Variants in IGSF5 observed in about 807,000 individuals in gnomAD.
IGSF5 encodes the protein immunoglobulin superfamily member 5.
A neutral mutation model predicts 39.4 loss-of-function variants in IGSF5; 41 were observed. The ratio of observed to expected loss-of-function variants is 1.04; its 90% CI spans 0.81 to 1.35. IGSF5 has a LOEUF of 1.35. IGSF5 is among the 40% of genes most tolerant of loss of function. The pLI is 0.00. For synonymous variants in IGSF5, 183 were observed against 175.3 expected (o/e 1.04, Z -0.34); for missense variants, 487 against 494.6 (o/e 0.98, Z 0.15).
At chr21:39,780,964 G>A (rs2080167035) in intron 5 of IGSF5, among the ~76,000 whole-genome samples, 2 of 152,168 alleles carry the variant, frequency 1.3e-5, no homozygotes, top group Admixed American at 6.5e-5. Context: ...TTGCATGTCA[G>A]TTGAACTACA....
chr21:39,770,481 C>G (rs1338575239), intron 3 of IGSF5, among the ~76,000 whole-genome samples: 1 of 152,040 alleles, frequency 6.6e-6, no homozygotes, highest in Non-Finnish European at 1.5e-5. Context: ...TGCGTCTGAC[C>G]CTGGGCTGTG....
intron 5 of IGSF5, among the ~76,000 whole-genome samples, chr21:39,782,049 A>G (rs1569256539): frequency 6.6e-6 from 1 of 152,138 alleles, no homozygotes; most frequent in Non-Finnish European, 1.5e-5. Flanking sequence ...CTTCTTCCAA[A>G]TAACTAAGCA....
At chr21:39,721,186 A>G in the IGSF5 span, among the ~76,000 whole-genome samples, 2 of 152,256 alleles carry the variant, frequency 1.3e-5, no homozygotes, top group Non-Finnish European at 2.9e-5. Flanking sequence ...TCAATGTTAA[A>G]GACAAAACTC....
chr21:39,759,505 T>C (rs1439171223), intron 2 of IGSF5, among the ~76,000 whole-genome samples: 1 of 152,102 alleles, frequency 6.6e-6, no homozygotes, highest in African/African-American at 2.4e-5. Context: ...TACAAAAAAC[T>C]CTTCTAAAGG....
At chr21:39,787,681 T>C (rs1282818880) in intron 5 of IGSF5, among the ~76,000 whole-genome samples, 1 of 152,002 alleles carries the variant, frequency 6.6e-6, no homozygotes, top group African/African-American at 2.4e-5. Flanking sequence ...GTGTCTAGTC[T>C]GTTAAAAATA....
intron 4 of IGSF5, among the ~76,000 whole-genome samples, chr21:39,777,814 A>C (rs2080148642): frequency 6.6e-6 from 1 of 152,188 alleles, no homozygotes; most frequent in Non-Finnish European, 1.5e-5. Flanking sequence ...TTGACACAGG[A>C]ATAGCAAACT....
At chr21:39,718,560 G>C in the IGSF5 span, among the ~76,000 whole-genome samples, 1 of 152,152 alleles carries the variant, frequency 6.6e-6, no homozygotes, top group Admixed American at 6.5e-5. Context: ...TAACACAAAT[G>C]GATGTTGAAT....
In IGSF5 at chr21:39,793,644, C is replaced by T. The variant is rs370702627; in HGVS notation, c.1128+31C>T. 9 of 1,560,080 alleles carry T rather than the reference C, an allele frequency of 5.8e-6. No homozygotes were observed. In the African/African-American group the frequency reaches 1.1e-4, roughly 19 times the overall value. ...TTAGACCATTTTCCCCCTTTTTGGA[C>T]TTTTTTGGCTATTTAAAAATTCTTA... is the stretch of plus-strand genomic sequence containing the variant. On this transcript the variant is annotated intron_variant, in intron 8 of 8. Transcript: ENST00000380588.
chr21:39,751,185 T>G (rs1045285846), intron 2 of IGSF5: 1 of 152,270 alleles, frequency 6.6e-6, no homozygotes, highest in African/African-American at 2.4e-5. Context: ...ACTTTGGTTC[T>G]GGTGAGGCAG....
rs1195464377 is a variant in IGSF5 at position 39,785,980 on chromosome 21, G to A, written c.935-2187G>A. On this transcript the variant is annotated intron_variant, in intron 5 of 8. Transcript: ENST00000380588. Reference sequence around the variant, plus strand: ...TTCAAGATGGATTAAAGACTTAAACGTTAGACCTAAAACCATAAAAACCCT... The same window carrying A: ...TTCAAGATGGATTAAAGACTTAAACATTAGACCTAAAACCATAAAAACCCT... 4.6e-5 allele frequency among the ~76,000 whole-genome samples: 7 copies of A among 151,304 alleles called. No individual in the cohort carries two copies. In the East Asian group the frequency reaches 5.9e-4, roughly 13 times the overall value.
intron 6 of IGSF5, among the ~76,000 whole-genome samples, chr21:39,789,629 A>G (rs1385912806): frequency 1.3e-5 from 2 of 152,186 alleles, no homozygotes; most frequent in African/African-American, 4.8e-5. Context: ...TATGTTTATT[A>G]TGGAAAAAAA....
chr21:39,727,193 T>C, the IGSF5 span, among the ~76,000 whole-genome samples: 4 of 152,218 alleles, frequency 2.6e-5, no homozygotes, highest in Non-Finnish European at 4.4e-5. Flanking sequence ...CCCTGAGAAC[T>C]TATATTCCAC....
At chr21:39,725,029 C>T in the IGSF5 span, among the ~76,000 whole-genome samples, 299 of 152,346 alleles carry the variant, frequency 2.0e-3, 1 homozygote, top group Non-Finnish European at 3.4e-3. Context: ...GCCATCTCAT[C>T]GTGCTGGCAA....
At chr21:39,721,242 A>T in the IGSF5 span, among the ~76,000 whole-genome samples, 3 of 152,164 alleles carry the variant, frequency 2.0e-5, no homozygotes, top group African/African-American at 7.2e-5. Context: ...ATATCGTGAG[A>T]TCTTTATAGC....
At chr21:39,743,773 A>T (rs1446020834), upstream of IGSF5, among the ~76,000 whole-genome samples, 2 of 152,190 alleles carry the variant, frequency 1.3e-5, no homozygotes, top group African/African-American at 2.4e-5. Flanking sequence ...TCTTTTCTAC[A>T]AAAGAGGTCT....
chr21:39,799,123 G>T (rs750667522), intron 8 of IGSF5, among the ~76,000 whole-genome samples: 1 of 152,140 alleles, frequency 6.6e-6, no homozygotes, highest in Non-Finnish European at 1.5e-5. Flanking sequence ...TCCCCCTTTT[G>T]CTCATCTCCA....
At chr21:39,718,546 T>C in the IGSF5 span, among the ~76,000 whole-genome samples, 1 of 152,162 alleles carries the variant, frequency 6.6e-6, no homozygotes, top group Non-Finnish European at 1.5e-5. Context: ...TTATTGAGAG[T>C]TTTTAACACA....
At chr21:39,777,583 T>C (rs1392632700) in intron 4 of IGSF5, among the ~76,000 whole-genome samples, 1 of 151,994 alleles carries the variant, frequency 6.6e-6, no homozygotes, top group Non-Finnish European at 1.5e-5. Flanking sequence ...TTCACCATTT[T>C]TGGGAGAGCC....
chr21:39,767,380 G>A (rs1168748431), intron 3 of IGSF5, among the ~76,000 whole-genome samples: 1 of 152,130 alleles, frequency 6.6e-6, no homozygotes, highest in Non-Finnish European at 1.5e-5. Flanking sequence ...CATTAAGTTG[G>A]GAGCCAGAGT....
Sources: allele counts gnomAD v4.1 joint callset (sites outside exome capture counted in the v4.1 genomes callset), GRCh38; gene constraint gnomAD v4.1.1; transcripts MANE v1.5; gene names NCBI Gene and HGNC (gene_info 2026-07-23, HGNC 2026-07-21).